Variants in HYAL1 observed in about 807,000 individuals in gnomAD.
HYAL1 encodes hyaluronidase 1, also known as hyaluronidase-1.
A neutral mutation model predicts 28.8 loss-of-function variants in HYAL1; 21 were observed. The ratio of observed to expected loss-of-function variants is 0.73; its 90% CI spans 0.52 to 1.05. The LOEUF is 1.05. Among genes scored for constraint, HYAL1 ranks in the 50% least tolerant of loss-of-function variants. The pLI is 0.00. For missense variants in HYAL1, 491 were observed against 579.2 expected (o/e 0.85, Z 1.56); for synonymous variants, 200 against 230.1 (o/e 0.87, Z 1.18).
chr3:50,302,469 G>C lies in HYAL1; in HGVS notation c.488C>G (p.Pro163Arg). 5 of 1,614,112 alleles carry C rather than the reference G, an allele frequency of 3.1e-6. No homozygotes were observed. The highest frequency in any genetic ancestry group is 4.2e-6 in the Non-Finnish European group (5 of 1,179,988). Residue 163 changes from proline to arginine, a missense_variant, in exon 2 of 4, where the codon CCA becomes CGA. Transcript: ENST00000395144. This position sits in a 1 kb window ranked among gnomAD's most constrained non-coding sequence, Gnocchi z 5.0. ...GGCTACTGCCTCCACCTGAGGAGCT[G>C]GCCAATCAGGGTGCTGTGCCTGTAC... ...ALVQAQHPDW[P>R]APQVEAVAQD...
At chr3:50,307,801 T>C (rs1231026822), upstream of HYAL1, among the ~76,000 whole-genome samples, 1 of 149,374 alleles carries the variant, frequency 6.7e-6, no homozygotes, top group African/African-American at 2.5e-5. Context: ...CCAAAAACTT[T>C]TTTTTTTTTT....
At chr3:50,300,967 T>A in intron 3 of HYAL1, 21 bp downstream of exon 3, 5 of 303,990 alleles carry the variant, frequency 1.6e-5, no homozygotes, top group Non-Finnish European at 3.1e-5. Context: ...ACCCCCACCC[T>A]CATGCCAGGC....
chr3:50,310,415 C>T (rs1449629129), intron 1 of HYAL1, among the ~76,000 whole-genome samples: 1 of 149,894 alleles, frequency 6.7e-6, no homozygotes, highest in Non-Finnish European at 1.5e-5. Flanking sequence ...AGGCAACCAC[C>T]ACCACGCCCG....
At chr3:50,306,907 C>T (rs1553714063), upstream of HYAL1, among the ~76,000 whole-genome samples, 2 of 149,568 alleles carry the variant, frequency 1.3e-5, no homozygotes, top group Non-Finnish European at 3.0e-5. Context: ...ACAACAACAA[C>T]AAAAACACAA....
rs587745914 is a variant in HYAL1, at chr3:50,309,417, T to G, written c.-191+242A>C. ...AAGCAGAGGTGGCAGTGAGCTGAGA[T>G]TGCACCATTGCACTCCAGCCTGGGC... On this transcript the variant is annotated intron_variant, in intron 2 of 5. Coordinates refer to the HYAL1 transcript ENST00000320295. 9.2e-4 allele frequency among the ~76,000 whole-genome samples: 133 copies of G among 145,314 alleles called. 2 individuals carry two copies. The Admixed American group carries it at 9.4e-3, about 10-fold the overall frequency.
intron 1 of HYAL1, among the ~76,000 whole-genome samples, chr3:50,311,593 C>T (rs1337280680): frequency 1.5e-4 from 21 of 140,214 alleles, no homozygotes; most frequent in African/African-American, 5.1e-4. Flanking sequence ...ACCTCCCTCC[C>T]GGACGGGGCG....
chr3:50,301,711 G>C (rs1702167312), intron 2 of HYAL1, among the ~76,000 whole-genome samples: 1 of 152,058 alleles, frequency 6.6e-6, no homozygotes, highest in South Asian at 2.1e-4. Flanking sequence ...CCAGCACTTT[G>C]GGAGGCCGAG....
rs903056291 is a variant in HYAL1, at chr3:50,300,377, C to G, written c.*106G>C. ...GCCTGTGACAGTGGCTGAGTGTACT[C>G]TTTACTGTGACCATGACTTGTATGA... On this transcript the variant is annotated 3_prime_UTR_variant, in exon 4 of 4. Coordinates refer to ENST00000395144, the MANE Select transcript of HYAL1 (RefSeq NM_033159.4). The G allele has an allele frequency of 6.3e-5, 73 of 1,152,836 alleles. No homozygotes were observed. The South Asian group carries it at 8.7e-4, about 14-fold the overall frequency. The allele number at this position is 1,152,836 out of a possible 1,614,324, so 71.4% of individuals were successfully genotyped here.
chr3:50,306,885 T>TCAA (rs587607761), upstream of HYAL1, among the ~76,000 whole-genome samples: 134 of 148,424 alleles, frequency 9.0e-4, 4 homozygotes, highest in African/African-American at 3.0e-3. Flanking sequence ...AGACTCCATC[T>TCAA]CAACAACAAC....
upstream of HYAL1, among the ~76,000 whole-genome samples, chr3:50,306,541 T>C (rs1702337483): frequency 1.3e-5 from 2 of 151,198 alleles, no homozygotes; most frequent in Admixed American, 1.3e-4. Context: ...TGTGTGATCA[T>C]TGTTACTTTA....
In HYAL1 at chr3:50,302,613, G is replaced by T; in HGVS notation, c.344C>A (p.Ala115Asp). 1 of 1,614,194 alleles carries T rather than the reference G, an allele frequency of 6.2e-7. No individual in the cohort carries two copies. The highest frequency in any genetic ancestry group is 8.5e-7 in the Non-Finnish European group (1 of 1,180,044). The stretch of plus-strand genomic sequence containing the variant: ...TGAGAAGTCAGGAGCAGGTATGGCA[G>T]CCAGGATGTCCTGGAATGTGCGGGC... ...HLARTFQDIL[A>D]AIPAPDFSGL... Residue 115 changes from alanine to aspartate, a missense_variant, in exon 2 of 4, where the codon GCT becomes GAT. Transcript: ENST00000395144. This position sits in a 1 kb window ranked among gnomAD's most constrained non-coding sequence, Gnocchi z 5.0.
At chr3:50,309,348 C>G (rs868964444) in intron 2 of HYAL1, among the ~76,000 whole-genome samples, 28 of 150,012 alleles carry the variant, frequency 1.9e-4, no homozygotes, top group Middle Eastern at 3.4e-3. Context: ...CCTGTAATCC[C>G]AGCTACTCCA....
At chr3:50,306,171 T>C (rs1553713983), upstream of HYAL1, among the ~76,000 whole-genome samples, 1 of 150,798 alleles carries the variant, frequency 6.6e-6, no homozygotes, top group African/African-American at 2.5e-5. Flanking sequence ...CAGAGAATCC[T>C]TGATTTCTCA....
rs782521070 is a variant in HYAL1, at chr3:50,302,971, C to T, written c.-15G>A. 7 of 1,541,950 alleles carry T rather than the reference C, an allele frequency of 4.5e-6. No individual in the cohort carries two copies. The highest frequency in any genetic ancestry group is 1.3e-5 in the South Asian group (1 of 79,492). On this transcript the variant is annotated 5_prime_UTR_variant, in exon 2 of 4. Transcript: ENST00000395144. The surrounding 1 kb of genome is among the most constrained non-coding windows in gnomAD (Gnocchi z 5.0). Reference sequence around the variant, plus strand: ...TGGGCTGCCATGGCACGGGACTGGTCGAGGACAACCTGGCCAGGGGAGGCA... The same window carrying T: ...TGGGCTGCCATGGCACGGGACTGGTTGAGGACAACCTGGCCAGGGGAGGCA...
chr3:50,309,188 G>A lies in HYAL1; in HGVS notation c.-191+471C>T, dbSNP rs1348825262. Among the ~76,000 whole-genome samples the A allele has an allele frequency of 3.3e-5, 5 of 150,960 alleles. No individual in the cohort carries two copies. In the East Asian group the frequency reaches 9.7e-4, roughly 29 times the overall value. On this transcript the variant is annotated intron_variant, in intron 2 of 5. Transcript: ENST00000320295. ...TGCCATAAGAATCTGTTTTTGCCTG[G>A]CATGGTGGCTCACTCCTGTAATCCC...
Position 50,302,723 on chromosome 3 carries a change from C to T in HYAL1, c.234G>A (p.Gln78=). The stretch of plus-strand genomic sequence containing the variant: ...GCGTGTAGTAGGGGTAGGTGCCCAG[C>T]TGGGAGCTATAGAAAATTGTCATGT... The part of the protein sequence containing the change: ...GPDMTIFYSS[Q]LGTYPYYTPT... The change falls in exon 2 of 4, where the codon CAG becomes CAA. Residue 78 remains glutamine, a synonymous_variant. Transcript: ENST00000395144. The surrounding 1 kb of genome is among the most constrained non-coding windows in gnomAD (Gnocchi z 5.0). The T allele has an allele frequency of 2.0e-5, 32 of 1,614,036 alleles. No homozygotes were observed. Among genetic ancestry groups the T allele is most frequent in the Non-Finnish European group, 2.7e-5 (32 of 1,180,040 alleles).
chr3:50,311,567 G>T (rs1702456716), intron 1 of HYAL1, among the ~76,000 whole-genome samples: 1 of 141,224 alleles, frequency 7.1e-6, no homozygotes, highest in Non-Finnish European at 1.6e-5. Flanking sequence ...TAGCCAGGCG[G>T]GGGGCTGACC....
At chr3:50,309,139 T>C (rs950403813) in intron 2 of HYAL1, among the ~76,000 whole-genome samples, 5 of 151,400 alleles carry the variant, frequency 3.3e-5, no homozygotes, top group Non-Finnish European at 7.3e-5. Flanking sequence ...TCTTAACTTA[T>C]GGCAATACAG....
At chr3:50,301,126 G>T in intron 2 of HYAL1, 49 bp from the exon 3 acceptor site, 1 of 1,238,526 alleles carries the variant, frequency 8.1e-7, no homozygotes, top group Non-Finnish European at 1.2e-6. Flanking sequence ...CCACCATGTG[G>T]CAGACTGCTG....
Sources: allele counts gnomAD v4.1 joint callset (sites outside exome capture counted in the v4.1 genomes callset), GRCh38; gene constraint gnomAD v4.1.1; non-coding constraint Gnocchi (gnomAD v3.1); transcripts MANE v1.5; gene names NCBI Gene and HGNC (gene_info 2026-07-23, HGNC 2026-07-21).